HSPA12B: variants seen among roughly 807,000 people sequenced by gnomAD.
The protein encoded by HSPA12B is heat shock 70 kDa protein 12B.
HSPA12B carries 54 observed loss-of-function variants against 69.3 expected under a neutral mutation model. The observed-to-expected ratio is 0.78, with a 90% confidence interval of 0.63 to 0.98. HSPA12B has a LOEUF of 0.98. Among genes scored for constraint, HSPA12B ranks in the 50% least tolerant of loss-of-function variants. HSPA12B has a pLI of 0.00. For synonymous variants in HSPA12B, 441 were observed against 436.5 expected (o/e 1.01, Z -0.13); for missense variants, 929 against 999.8 (o/e 0.93, Z 0.96).
intron 7 of HSPA12B, among the ~76,000 whole-genome samples, chr20:3,747,617 C>G (rs138140651): frequency 9.8e-5 from 15 of 152,336 alleles, no homozygotes; most frequent in Non-Finnish European, 1.8e-4. Context: ...AACTCCAGAT[C>G]TCAAGTGTTT....
chr20:3,745,918 C>G lies in HSPA12B; in HGVS notation c.562C>G (p.Leu188Val). 1 of 1,613,850 alleles carries G rather than the reference C, an allele frequency of 6.2e-7. No individual in the cohort carries two copies. Among genetic ancestry groups the G allele is most frequent in the South Asian group, 1.1e-5 (1 of 91,074 alleles). The change falls in exon 7 of 13, where the codon CTG (leucine) becomes GTG (valine). Residue 188 changes from leucine to valine, a missense_variant. By Grantham distance (32) the Leu-to-Val change is conservative. This residue lies in a region of HSPA12B where 477 missense variants were observed against 535.2 expected (regional missense o/e 0.89). Coordinates refer to ENST00000254963, the MANE Select transcript of HSPA12B (RefSeq NM_052970.5). The surrounding 1 kb of genome is among the most constrained non-coding windows in gnomAD (Gnocchi z 5.6). ...TCACTGCCCCCTCCTGTACCAGGAG[C>G]TGAGGGAGCAGAGCCCATCGCTGCC... The part of the protein sequence containing the change: ...RFFREHALQE[L>V]REQSPSLPEK...
In HSPA12B at chr20:3,737,820, C is replaced by T. The variant is rs629747; in HGVS notation, c.-17-838C>T. ...GAGTTCGAGAACAGCCTGGCCAACACGGCGAAACCCCGTCTCTACTAAAAA... is the reference window on the plus strand; with the variant it reads ...GAGTTCGAGAACAGCCTGGCCAACATGGCGAAACCCCGTCTCTACTAAAAA... On this transcript the variant is annotated intron_variant, in intron 1 of 12. Transcript: ENST00000254963. This position sits in a 1 kb window ranked among gnomAD's most constrained non-coding sequence, Gnocchi z 4.1. Among the ~76,000 whole-genome samples, 145,866 of 152,234 alleles carry T rather than the reference C, an allele frequency of 0.96. 69,939 individuals are homozygous for T. Among genetic ancestry groups the T allele is most frequent in the South Asian group, 0.99 (4,782 of 4,824 alleles).
In HSPA12B at chr20:3,745,087, C is replaced by A. The variant is rs540970073; in HGVS notation, c.452C>A (p.Thr151Lys). The change falls in exon 5 of 13, where the codon ACG becomes AAG. Residue 151 changes from threonine to lysine, a missense_variant and splice_region_variant. By Grantham distance (78) the Thr-to-Lys change is moderately conservative. Transcript: ENST00000254963. The surrounding 1 kb of genome is among the most constrained non-coding windows in gnomAD (Gnocchi z 5.6). ...TTCAAGATGAAGATCCACAGCGCCA[C>A]GGTGAGTCACAGGGCTCCAGACAGG... ...EKFKMKIHSA[T>K]DLTLKTQLEA... 3.3e-6 allele frequency: 5 copies of A among 1,500,926 alleles called. No homozygotes were observed. In the African/African-American group the frequency reaches 7.0e-5, roughly 21 times the overall value. The allele number at this position is 1,500,926 out of a possible 1,614,324, so 93.0% of individuals were successfully genotyped here. A position where few individuals can be genotyped will look rare whatever the true frequency, so the allele number is the denominator to read the frequency against.
At chr20:3,748,597 T>C (rs1207443229) in intron 8 of HSPA12B, among the ~76,000 whole-genome samples, 1 of 152,180 alleles carries the variant, frequency 6.6e-6, no homozygotes, top group Non-Finnish European at 1.5e-5. Flanking sequence ...GGGTGGGACA[T>C]GCCCTACCTA....
At chr20:3,743,365 AAAT>A (rs1018847631) in intron 4 of HSPA12B, among the ~76,000 whole-genome samples, 12 of 134,432 alleles carry the variant, frequency 8.9e-5, no homozygotes, top group African/African-American at 2.1e-4. Flanking sequence ...AAAAAAAAAA[AAAT>A]TTTTTTTTGG....
At chr20:3,734,859 C>T (rs746072140) in intron 1 of HSPA12B, among the ~76,000 whole-genome samples, 3 of 151,488 alleles carry the variant, frequency 2.0e-5, no homozygotes, top group Admixed American at 1.3e-4. Flanking sequence ...CCCACCTCAG[C>T]GTCCAAAGTG....
intron 7 of HSPA12B, among the ~76,000 whole-genome samples, chr20:3,746,658 G>A (rs1414717782): frequency 3.3e-5 from 5 of 152,142 alleles, no homozygotes; most frequent in African/African-American, 1.2e-4. Context: ...GGAGAAAGGC[G>A]AGGGAGGGAG....
chr20:3,738,549 T>C, intron 1 of HSPA12B, 109 bp from the exon 2 acceptor site: 2 of 953,356 alleles, frequency 2.1e-6, no homozygotes, highest in Admixed American at 1.9e-5. Flanking sequence ...GGCTGGGATT[T>C]GCTTCAAAGG....
Position 3,750,355 on chromosome 20 carries a change from A to C in HSPA12B, c.1301+128A>C, listed in dbSNP as rs544565816. On this transcript the variant is annotated intron_variant, in intron 11 of 12. Transcript: ENST00000254963. The stretch of plus-strand genomic sequence containing the variant: ...CATCCCACATATACACTAAGCCAGC[A>C]GGGCGTCGGGGTGGGGCGGCGGGGA... The C allele has an allele frequency of 5.9e-5, 63 of 1,059,730 alleles. No homozygotes were observed. In the Middle Eastern group the frequency reaches 9.3e-4, roughly 16 times the overall value. The allele number at this position is 1,059,730 out of a possible 1,614,324, so 65.6% of individuals were successfully genotyped here.
At chr20:3,750,618 CTGAGTGAGTAGGG>C (rs2088400548) in intron 11 of HSPA12B, 173 bp from the exon 12 acceptor site, 1 of 971,612 alleles carries the variant, frequency 1.0e-6, no homozygotes, top group Non-Finnish European at 1.2e-6. Flanking sequence ...ACTAAATCCT[CTGAGTGAGTAGGG>C]TGGAGATAAG....
In HSPA12B at chr20:3,737,399, T is replaced by A. The variant is rs1051485388; in HGVS notation, c.-17-1259T>A. Among the ~76,000 whole-genome samples the A allele has an allele frequency of 6.6e-5, 10 of 152,194 alleles. No homozygotes were observed. In the East Asian group the frequency reaches 1.9e-3, roughly 30 times the overall value. ...TTTCAGCCAAGCTTTTCAGAAATTC[T>A]AGCTCAATATGATTGCGTCACTACA... On this transcript the variant is annotated intron_variant, in intron 1 of 12. Coordinates refer to ENST00000254963, the MANE Select transcript of HSPA12B (RefSeq NM_052970.5). This position sits in a 1 kb window ranked among gnomAD's most constrained non-coding sequence, Gnocchi z 4.1.
rs553043634 is a variant in HSPA12B at position 3,742,141 on chromosome 20, G to T, written c.142-143G>T. 1.1e-5 allele frequency: 14 copies of T among 1,236,158 alleles called. No homozygotes were observed. In the East Asian group the frequency reaches 3.3e-4, roughly 29 times the overall value. The allele number at this position is 1,236,158 out of a possible 1,614,324, so 76.6% of individuals were successfully genotyped here. ...GCAAGGGAGCCCGAGCAGGTGGGCAGGTGGGGTGGGCCAGGTCCAGGGCTG... is the reference window on the plus strand; with the variant it reads ...GCAAGGGAGCCCGAGCAGGTGGGCATGTGGGGTGGGCCAGGTCCAGGGCTG... On this transcript the variant is annotated intron_variant, in intron 3 of 12. Transcript: ENST00000254963.
Position 3,744,848 on chromosome 20 carries a change from C to T in HSPA12B, c.267-54C>T. On this transcript the variant is annotated intron_variant, in intron 4 of 12. Transcript: ENST00000254963. The surrounding 1 kb of genome is among the most constrained non-coding windows in gnomAD (Gnocchi z 4.9). ...TTTTTGCACATGCTGTTCCCTCTGC[C>T]TGGATTCCCACCCAAGAAGGGAGGG... The T allele has an allele frequency of 6.4e-7, 1 of 1,557,726 alleles. No homozygotes were observed. Among genetic ancestry groups the T allele is most frequent in the Non-Finnish European group, 8.7e-7 (1 of 1,143,006 alleles).
In HSPA12B at chr20:3,745,809, TG is replaced by T. The variant is rs2088290667; in HGVS notation, c.559-103del. 3 of 1,108,316 alleles carry T rather than the reference TG, an allele frequency of 2.7e-6. No homozygotes were observed. The highest frequency in any genetic ancestry group is 3.4e-5 in the Admixed American group (2 of 59,104). 68.7% of individuals were successfully genotyped at this position (1,108,316 alleles called of 1,614,324 possible). On this transcript the variant is annotated intron_variant, in intron 6 of 12. Coordinates refer to ENST00000254963, the MANE Select transcript of HSPA12B (RefSeq NM_052970.5). The surrounding 1 kb of genome is among the most constrained non-coding windows in gnomAD (Gnocchi z 5.6). Reference sequence around the variant, plus strand: ...GGGGGGCCGATTCTTCCAGCTCTGCTGGGAAGTCCTTCCTGTGATTTGATTA... The same window carrying T: ...GGGGGGCCGATTCTTCCAGCTCTGCTGGAAGTCCTTCCTGTGATTTGATTA...
intron 2 of HSPA12B, 43 bp downstream of exon 2, chr20:3,738,760 C>T: frequency 6.2e-7 from 1 of 1,609,770 alleles, no homozygotes; most frequent in East Asian, 2.2e-5. Context: ...CACCCACTCA[C>T]CCGAGCAGGC....
chr20:3,736,706 G>A (rs1444318901), intron 1 of HSPA12B, among the ~76,000 whole-genome samples: 3 of 152,300 alleles, frequency 2.0e-5, no homozygotes, highest in South Asian at 2.1e-4. Flanking sequence ...AAACTTCAAT[G>A]TGCACCTGAA....
chr20:3,741,565 G>C (rs892673501), intron 3 of HSPA12B, among the ~76,000 whole-genome samples: 1 of 152,126 alleles, frequency 6.6e-6, no homozygotes, highest in South Asian at 2.1e-4. Flanking sequence ...CCTGGGAAGC[G>C]GAGGTTGCAG....
In HSPA12B at chr20:3,735,811, TAC is replaced by T. The variant is rs1188427517; in HGVS notation, c.-17-2845_-17-2844del. Among the ~76,000 whole-genome samples the T allele has an allele frequency of 2.0e-5, 3 of 152,186 alleles. No homozygotes were observed. In the East Asian group the frequency reaches 5.8e-4, roughly 29 times the overall value. On this transcript the variant is annotated intron_variant, in intron 1 of 12. Coordinates refer to ENST00000254963, the MANE Select transcript of HSPA12B (RefSeq NM_052970.5). Reference sequence around the variant, plus strand: ...GGTTCTAGGTTGTTTCTCCTCCAGATACAATAGCCTCGGTCCAGAAAATCCAT... The same window carrying T: ...GGTTCTAGGTTGTTTCTCCTCCAGATAATAGCCTCGGTCCAGAAAATCCAT...
At chr20:3,734,089 G>C (rs1165444602) in intron 1 of HSPA12B, among the ~76,000 whole-genome samples, 1 of 152,232 alleles carries the variant, frequency 6.6e-6, no homozygotes, top group Non-Finnish European at 1.5e-5. Context: ...GATCGCTTGA[G>C]GCCAGGTGGT....
Sources: allele counts gnomAD v4.1 joint callset (sites outside exome capture counted in the v4.1 genomes callset), GRCh38; gene constraint gnomAD v4.1.1; regional missense constraint gnomAD v4.1.1; non-coding constraint Gnocchi (gnomAD v3.1); transcripts MANE v1.5; gene names NCBI Gene and HGNC (gene_info 2026-07-23, HGNC 2026-07-21).